LIPA: variants seen among roughly 807,000 people sequenced by gnomAD.
LIPA encodes the protein lipase A, lysosomal acid type, also known as lysosomal acid lipase/cholesteryl ester hydrolase.
In LIPA, 26 loss-of-function variants were observed where a neutral mutation model predicts 40.6. The observed-to-expected ratio is 0.64, with a 90% confidence interval of 0.47 to 0.89. LIPA has a LOEUF of 0.89. LIPA is among the 40% of genes least tolerant of loss of function. The pLI, the probability that LIPA is intolerant of heterozygous loss-of-function variation, is 0.00. For missense variants in LIPA, 455 were observed against 479.6 expected (o/e 0.95, Z 0.48); for synonymous variants, 188 against 168.4 (o/e 1.12, Z -0.90).
intron 1 of LIPA, among the ~76,000 whole-genome samples, chr10:89,273,962 T>C (rs958671035): frequency 6.6e-6 from 1 of 152,226 alleles, no homozygotes; most frequent in African/African-American, 2.4e-5. Context: ...AGTTGAGTAG[T>C]TGATACATAG....
At chr10:89,275,108 G>A (rs998460079) in intron 1 of LIPA, among the ~76,000 whole-genome samples, 2 of 152,136 alleles carry the variant, frequency 1.3e-5, no homozygotes, top group South Asian at 2.1e-4. Context: ...GAATTTCCTC[G>A]TGTTTTCAGT....
chr10:89,387,190 C>A (rs1269778214), intron 2 of LIPA, among the ~76,000 whole-genome samples: 2 of 151,836 alleles, frequency 1.3e-5, no homozygotes, highest in African/African-American at 2.4e-5. Flanking sequence ...GTGGCGGGCG[C>A]CTATAGTCCC....
At chr10:89,286,247 C>A (rs1004126238) in intron 1 of LIPA, among the ~76,000 whole-genome samples, 1 of 152,116 alleles carries the variant, frequency 6.6e-6, no homozygotes, top group Admixed American at 6.5e-5. Context: ...TTCCCTCCTG[C>A]CTGTCCCCTC....
At chr10:89,409,337 C>T (rs1841451104) in intron 2 of LIPA, among the ~76,000 whole-genome samples, 1 of 152,176 alleles carries the variant, frequency 6.6e-6, no homozygotes, top group Non-Finnish European at 1.5e-5. Flanking sequence ...ACAAACAAAC[C>T]TTGGTGGTTC....
rs80135086 is a variant in LIPA, at chr10:89,341,700, G to A, written c.-2+911C>T. 7.7e-3 allele frequency among the ~76,000 whole-genome samples: 1,172 copies of A among 152,248 alleles called. 16 individuals carry two copies. The highest frequency in any genetic ancestry group is 0.027 in the African/African-American group (1,106 of 41,530). On this transcript the variant is annotated intron_variant, in intron 1 of 5. Transcript: ENST00000282673. ...TGGCAGAAAGACTGTGGCCCTAAAG[G>A]AGTTCATCTCTCAGAATTTAGAATA...
intron 2 of LIPA, among the ~76,000 whole-genome samples, chr10:89,407,925 G>A (rs944301808): frequency 6.6e-6 from 1 of 152,152 alleles, no homozygotes; most frequent in African/African-American, 2.4e-5. Flanking sequence ...GCATTGGTGA[G>A]TGCAACTATT....
intron 2 of LIPA, among the ~76,000 whole-genome samples, chr10:89,373,961 T>C (rs751252805): frequency 5.3e-5 from 8 of 152,202 alleles, no homozygotes; most frequent in Non-Finnish European, 1.2e-4. Flanking sequence ...ATTACTTTTT[T>C]CAGAAAACTT....
chr10:89,236,004 T>C (rs935872583), intron 3 of LIPA, among the ~76,000 whole-genome samples: 1 of 152,162 alleles, frequency 6.6e-6, no homozygotes, highest in Non-Finnish European at 1.5e-5. Context: ...GAAAAATTTG[T>C]TGGAGATTTG....
At chr10:89,301,276 C>T (rs1056310199) in intron 1 of LIPA, among the ~76,000 whole-genome samples, 2 of 152,332 alleles carry the variant, frequency 1.3e-5, no homozygotes, top group East Asian at 1.9e-4. Flanking sequence ...TTTTGGAATG[C>T]TTGCCATACC....
At chr10:89,379,675 T>G (rs1321699547) in intron 2 of LIPA, among the ~76,000 whole-genome samples, 1 of 151,980 alleles carries the variant, frequency 6.6e-6, no homozygotes, top group Non-Finnish European at 1.5e-5. Flanking sequence ...AATGAAGGAT[T>G]GCAAAAAAAT....
chr10:89,378,566 A>T lies in LIPA; in HGVS notation c.61+34225T>A, dbSNP rs1014224753. 2.6e-5 allele frequency among the ~76,000 whole-genome samples: 4 copies of T among 152,220 alleles called. No individual in the cohort carries two copies. The East Asian group carries it at 7.7e-4, about 29-fold the overall frequency. ...AGAGCACAGTGGGAGCTTAGGAATT[A>T]ATTCCATGACCTTCACCTCCTCCTG... On this transcript the variant is annotated intron_variant, in intron 2 of 8. Coordinates refer to the LIPA transcript ENST00000371837.
chr10:89,229,752 C>CAA (rs11388104), intron 3 of LIPA, among the ~76,000 whole-genome samples: 1,241 of 115,654 alleles, frequency 0.011, 17 homozygotes, highest in African/African-American at 0.022. Context: ...GACTCAGTCT[C>CAA]AAAAAAAAAA....
chr10:89,269,652 G>A (rs1387633578), intron 1 of LIPA, among the ~76,000 whole-genome samples: 2 of 152,066 alleles, frequency 1.3e-5, no homozygotes, highest in Non-Finnish European at 2.9e-5. Context: ...TCCTCTTTTG[G>A]GGAAATTTAA....
intron 1 of LIPA, among the ~76,000 whole-genome samples, chr10:89,277,366 C>T (rs957276940): frequency 2.0e-5 from 3 of 152,230 alleles, no homozygotes; most frequent in South Asian, 2.1e-4. Flanking sequence ...TATCATAAAG[C>T]TGTTTCAGAG....
intron 1 of LIPA, chr10:89,307,499 C>T (rs1843490146): frequency 1.3e-6 from 1 of 770,406 alleles, no homozygotes; most frequent in Non-Finnish European, 2.1e-6. Context: ...ACTGGCCATA[C>T]CACTGGACAG....
intron 3 of LIPA, among the ~76,000 whole-genome samples, chr10:89,244,033 T>TA (rs1304950916): frequency 1.3e-5 from 2 of 152,174 alleles, no homozygotes; most frequent in African/African-American, 4.8e-5. Flanking sequence ...TAGCATAAAA[T>TA]ATATGTTTTG....
intron 1 of LIPA, among the ~76,000 whole-genome samples, chr10:89,414,148 TA>T (rs1201760002): frequency 2.0e-5 from 3 of 152,182 alleles, no homozygotes; most frequent in African/African-American, 7.2e-5. Flanking sequence ...AAAATGTATA[TA>T]GATTTTAGCT....
At chr10:89,365,284 T>C (rs1844048768) in intron 2 of LIPA, among the ~76,000 whole-genome samples, 1 of 152,220 alleles carries the variant, frequency 6.6e-6, no homozygotes, top group Admixed American at 6.5e-5. Flanking sequence ...GGAACACAGC[T>C]AAAGATAAAA....
intron 1 of LIPA, among the ~76,000 whole-genome samples, chr10:89,278,970 A>G (rs1823262148): frequency 6.6e-6 from 1 of 152,234 alleles, no homozygotes; most frequent in Admixed American, 6.5e-5. Flanking sequence ...GGAAACATAC[A>G]GAATGGTAAC....
Sources: gnomAD v4.1 joint callset for allele counts (sites outside exome capture counted in the v4.1 genomes callset) on GRCh38, gnomAD v4.1.1 for gene constraint, MANE v1.5 for transcripts, NCBI Gene and HGNC (gene_info 2026-07-23, HGNC 2026-07-21) for gene names.